DGKB: variants seen among roughly 807,000 people sequenced by gnomAD.
DGKB encodes the protein 90 kDa diacylglycerol kinase.
In DGKB, 67 loss-of-function variants were observed where a neutral mutation model predicts 114.3. The ratio of observed to expected loss-of-function variants is 0.59; its 90% CI spans 0.48 to 0.72. DGKB has a LOEUF of 0.72. Among genes scored for constraint, DGKB ranks in the 30% least tolerant of loss-of-function variants. The pLI is 0.00. For missense variants in DGKB, 907 were observed against 975.2 expected (o/e 0.93, Z 0.93); for synonymous variants, 398 against 323.1 (o/e 1.23, Z -2.49).
intron 1 of DGKB, among the ~76,000 whole-genome samples, chr7:14,910,314 G>A (rs111437524): frequency 1.9e-3 from 246 of 132,356 alleles, no homozygotes; most frequent in African/African-American, 6.3e-3. Flanking sequence ...AAGAAAGAAA[G>A]AACCTTATAT....
intron 1 of DGKB, among the ~76,000 whole-genome samples, chr7:14,953,167 T>C (rs983522498): frequency 3.3e-5 from 5 of 152,030 alleles, no homozygotes; most frequent in Non-Finnish European, 7.4e-5. Flanking sequence ...TCTTAGATAC[T>C]TTACTAAAAC....
At chr7:14,297,908 A>G (rs1802860555) in intron 23 of DGKB, among the ~76,000 whole-genome samples, 1 of 152,178 alleles carries the variant, frequency 6.6e-6, no homozygotes. Context: ...CTATACACCA[A>G]TAATAGACAA....
intron 1 of DGKB, among the ~76,000 whole-genome samples, chr7:14,891,717 A>G (rs1781254857): frequency 6.6e-6 from 1 of 151,486 alleles, no homozygotes; most frequent in African/African-American, 2.4e-5. Context: ...GCTAGTACCC[A>G]AAATAAAAAT....
intron 23 of DGKB, among the ~76,000 whole-genome samples, chr7:14,328,951 T>C (rs562123828): frequency 1.3e-5 from 2 of 151,974 alleles, no homozygotes; most frequent in Non-Finnish European, 2.9e-5. Flanking sequence ...AGAAGAACAA[T>C]AGAACTATTT....
intron 2 of DGKB, among the ~76,000 whole-genome samples, chr7:14,795,961 T>C (rs899750258): frequency 6.6e-6 from 1 of 152,112 alleles, no homozygotes; most frequent in Non-Finnish European, 1.5e-5. Flanking sequence ...AGGATCTAAT[T>C]TGAGGCACTA....
rs974322563 is a variant in DGKB at position 14,603,121 on chromosome 7, A to C, written c.1433+4313T>G. Reference sequence around the variant, plus strand: ...TTCATTGTGGTAACATATTTTTGTTACTTTTATTAATCCATAGATCTTTAA... The same window carrying C: ...TTCATTGTGGTAACATATTTTTGTTCCTTTTATTAATCCATAGATCTTTAA... On this transcript the variant is annotated intron_variant, in intron 17 of 25. Coordinates refer to ENST00000402815, the MANE Select transcript of DGKB (RefSeq NM_001350709.2). Among the ~76,000 whole-genome samples the C allele has an allele frequency of 2.0e-5, 3 of 152,002 alleles. No homozygotes were observed. In the East Asian group the frequency reaches 5.8e-4, roughly 29 times the overall value.
chr7:14,855,376 G>A (rs1849988066), intron 1 of DGKB, among the ~76,000 whole-genome samples: 1 of 152,038 alleles, frequency 6.6e-6, no homozygotes, highest in Admixed American at 6.6e-5. Flanking sequence ...TAATCTTGAG[G>A]TATTTATTAT....
At chr7:14,174,228 A>G (rs1483209240) in intron 25 of DGKB, among the ~76,000 whole-genome samples, 3 of 152,194 alleles carry the variant, frequency 2.0e-5, no homozygotes, top group African/African-American at 7.2e-5. Context: ...TGCTGGAGTC[A>G]GACTACCTGG....
At chr7:14,172,617 G>C (rs1781167494) in intron 25 of DGKB, among the ~76,000 whole-genome samples, 1 of 152,064 alleles carries the variant, frequency 6.6e-6, no homozygotes, top group African/African-American at 2.4e-5. Context: ...GCAGATCTAG[G>C]ATGTGAGAAG....
chr7:14,764,222 C>T (rs184378719), intron 2 of DGKB, among the ~76,000 whole-genome samples: 35 of 151,622 alleles, frequency 2.3e-4, no homozygotes, highest in South Asian at 6.3e-4. Flanking sequence ...AATGTGCAGA[C>T]GCATTAATGC....
At chr7:14,735,986 T>C (rs1301893380) in intron 5 of DGKB, 55 bp downstream of exon 5, 1 of 1,097,594 alleles carries the variant, frequency 9.1e-7, no homozygotes, top group Non-Finnish European at 1.2e-6. Context: ...TAACTAGATA[T>C]TTATTTAGCC....
At chr7:14,597,125 G>A (rs971886392) in intron 17 of DGKB, among the ~76,000 whole-genome samples, 7 of 151,922 alleles carry the variant, frequency 4.6e-5, no homozygotes, top group East Asian at 1.9e-4. Context: ...GGAGAATGGC[G>A]TGAACCCAGG....
chr7:14,936,205 C>T (rs954453970), intron 1 of DGKB, among the ~76,000 whole-genome samples: 19 of 152,026 alleles, frequency 1.2e-4, no homozygotes, highest in East Asian at 5.8e-4. Flanking sequence ...CAAACAAGAA[C>T]GTAGAAAAGT....
intron 2 of DGKB, among the ~76,000 whole-genome samples, chr7:14,792,969 T>C (rs1157797993): frequency 6.6e-6 from 1 of 151,930 alleles, no homozygotes; most frequent in Non-Finnish European, 1.5e-5. Context: ...AATATTTGAG[T>C]TAAATAGAGA....
At chr7:14,788,793 G>T (rs1840248458) in intron 2 of DGKB, among the ~76,000 whole-genome samples, 1 of 152,078 alleles carries the variant, frequency 6.6e-6, no homozygotes, top group Non-Finnish European at 1.5e-5. Context: ...CTTTCTCTCG[G>T]GATTCGTGAG....
intron 9 of DGKB, among the ~76,000 whole-genome samples, chr7:14,692,081 G>C (rs1170341508): frequency 6.6e-6 from 1 of 151,814 alleles, no homozygotes; most frequent in Non-Finnish European, 1.5e-5. Flanking sequence ...AAATCATATA[G>C]ATTTGTGGAC....
At chr7:14,407,217 G>C (rs1442041452) in intron 21 of DGKB, among the ~76,000 whole-genome samples, 3 of 152,084 alleles carry the variant, frequency 2.0e-5, no homozygotes, top group East Asian at 3.9e-4. Flanking sequence ...CCATGTTAGG[G>C]AGTTAGAAAG....
chr7:14,952,847 G>T (rs1786280270), intron 1 of DGKB, among the ~76,000 whole-genome samples: 1 of 152,028 alleles, frequency 6.6e-6, no homozygotes, highest in Admixed American at 6.6e-5. Flanking sequence ...AATTAAGAAA[G>T]TGGTTCTGGC....
chr7:14,728,401 T>C (rs1830334380), intron 5 of DGKB, among the ~76,000 whole-genome samples: 1 of 152,188 alleles, frequency 6.6e-6, no homozygotes, highest in South Asian at 2.1e-4. Context: ...CACCTGGCCT[T>C]GGCTACCTCT....
Sources: allele counts gnomAD v4.1 joint callset (sites outside exome capture counted in the v4.1 genomes callset), GRCh38; gene constraint gnomAD v4.1.1; transcripts MANE v1.5; gene names NCBI Gene and HGNC (gene_info 2026-07-23, HGNC 2026-07-21).